PPFIA3: variants seen among roughly 807,000 people sequenced by gnomAD.
PPFIA3 encodes the protein PPFI scaffold protein A3.
Under a neutral mutation model 145.8 loss-of-function variants are expected in PPFIA3, and 26 were observed. That is an observed-to-expected ratio of 0.18 (90% CI 0.13 to 0.25). The LOEUF is 0.25. Among genes scored for constraint, PPFIA3 ranks in the 10% least tolerant of loss-of-function variants. The probability of loss-of-function intolerance (pLI) is 1.00; values close to 1 mark genes in which losing one functional copy is unlikely to be tolerated. For synonymous variants in PPFIA3, 645 were observed against 661.4 expected (o/e 0.98, Z 0.38); for missense variants, 1,008 against 1,587.8 (o/e 0.63, Z 6.21).
rs575291900 is a variant in PPFIA3 at position 49,150,390 on chromosome 19, A to G, written c.*168A>G. On this transcript the variant is annotated 3_prime_UTR_variant, in exon 30 of 30. Coordinates refer to ENST00000334186, the MANE Select transcript of PPFIA3 (RefSeq NM_003660.4). Reference sequence around the variant, plus strand: ...GGGAGTGCGCGCGCCCGCCTCGCACAGGGCCGGGGCCTGGACCAAACCACA... The same window carrying G: ...GGGAGTGCGCGCGCCCGCCTCGCACGGGGCCGGGGCCTGGACCAAACCACA... The G allele has an allele frequency of 1.1e-5, 5 of 453,636 alleles. No individual in the cohort carries two copies. Among genetic ancestry groups the G allele is most frequent in the Non-Finnish European group, 1.6e-5 (4 of 251,688 alleles). 28.1% of individuals were successfully genotyped at this position (453,636 alleles called of 1,614,324 possible).
intron 16 of PPFIA3, among the ~76,000 whole-genome samples, chr19:49,139,438 G>T (rs901531439): frequency 6.7e-6 from 1 of 148,864 alleles, no homozygotes; most frequent in African/African-American, 2.5e-5. Flanking sequence ...GCAGTGAGCC[G>T]AGATTGTGCC....
chr19:49,141,401 G>C lies in PPFIA3; in HGVS notation c.2369-19G>C. 1 of 1,606,044 alleles carries C rather than the reference G, an allele frequency of 6.2e-7. No individual in the cohort carries two copies. Among genetic ancestry groups the C allele is most frequent in the Non-Finnish European group, 8.5e-7 (1 of 1,173,914 alleles). ...TCCCCCTTGAGATTTTCCAAATTTC[G>C]ACCCCTCCCTGCCTCCAGCTGGAAC... is the stretch of plus-strand genomic sequence containing the variant. On this transcript the variant is annotated intron_variant, in intron 18 of 29. Coordinates refer to ENST00000334186, the MANE Select transcript of PPFIA3 (RefSeq NM_003660.4).
chr19:49,142,783 C>T (rs1568440541), intron 20 of PPFIA3, 21 bp from the exon 21 acceptor site: 4 of 1,597,860 alleles, frequency 2.5e-6, no homozygotes, highest in Non-Finnish European at 3.4e-6. Context: ...TCCCCTCTGT[C>T]CCTCTGTCCC....
chr19:49,122,319 G>A (rs1260089014), intron 1 of PPFIA3, among the ~76,000 whole-genome samples: 4 of 152,112 alleles, frequency 2.6e-5, no homozygotes, highest in Admixed American at 2.0e-4. Flanking sequence ...CCGACCTCAG[G>A]TGATCACCTG....
rs1215301618 is a variant in PPFIA3 at position 49,142,947 on chromosome 19, C to G, written c.2688C>G (p.Leu896=). Residue 896 remains leucine (L), a synonymous_variant, in exon 21 of 30, where the codon CTC becomes CTG. Transcript: ENST00000334186. ...SNPLHRLKLR[L]AIQEMVSLTS... ...CGCTGCACCGACTCAAGCTACGCCT[C>G]GCCATCCAGGAGATGGTCTCGCTCA... 1.9e-6 allele frequency: 3 copies of G among 1,613,252 alleles called. No individual in the cohort carries two copies. Among genetic ancestry groups the G allele is most frequent in the African/African-American group, 2.7e-5 (2 of 74,930 alleles).
chr19:49,123,153 C>T (rs997292772), intron 1 of PPFIA3, among the ~76,000 whole-genome samples: 4 of 152,068 alleles, frequency 2.6e-5, no homozygotes, highest in Admixed American at 2.6e-4. Context: ...CTCAGCCTCC[C>T]AAATAGCTGG....
intron 1 of PPFIA3, among the ~76,000 whole-genome samples, chr19:49,127,605 AT>A (rs138569072): frequency 0.018 from 2,736 of 149,404 alleles, 47 homozygotes; most frequent in Non-Finnish European, 0.027. Flanking sequence ...TTAAAAAAAA[AT>A]AATAATAATA....
At chr19:49,124,066 TC>T in intron 1 of PPFIA3, among the ~76,000 whole-genome samples, 1 of 143,398 alleles carries the variant, frequency 7.0e-6, no homozygotes, top group African/African-American at 2.5e-5. Flanking sequence ...TCCCTCCCCC[TC>T]CCCGCCCTAT....
intron 11 of PPFIA3, 38 bp downstream of exon 11, chr19:49,134,203 C>T (rs767875425): frequency 2.6e-6 from 4 of 1,560,840 alleles, no homozygotes; most frequent in South Asian, 1.2e-5. Flanking sequence ...CGCGGAATTC[C>T]GGGACTACCT....
intron 1 of PPFIA3, among the ~76,000 whole-genome samples, chr19:49,127,603 A>G (rs183772171): frequency 7.3e-5 from 11 of 150,738 alleles, no homozygotes; most frequent in African/African-American, 2.5e-4. Context: ...TGTTAAAAAA[A>G]AATAATAATA....
In PPFIA3 at chr19:49,136,805, GA is replaced by G; in HGVS notation, c.1748del (p.Glu583GlyfsTer37). ...GGACGGCTCCGATGAGGAGGAGGCA[GA>G]GGGGATGTTTGGGGCCGAGCTGCTG... ...ELDGSDEEEAEGMFGAELLSP... is the reference protein window; with the variant it reads ...ELDGSDEEEAXGMFGAELLSP... On this transcript the variant is annotated frameshift_variant, in exon 15 of 30. Transcript: ENST00000334186. LOFTEE classifies it high-confidence loss of function. The G allele has an allele frequency of 6.3e-7, 1 of 1,594,196 alleles. No homozygotes were observed. Among genetic ancestry groups the G allele is most frequent in the Middle Eastern group, 1.8e-4 (1 of 5,608 alleles).
intron 24 of PPFIA3, 54 bp downstream of exon 24, chr19:49,148,312 A>T: frequency 6.4e-7 from 1 of 1,559,768 alleles, no homozygotes; most frequent in Non-Finnish European, 8.7e-7. Context: ...CACCCCAGAG[A>T]GTCTTTGGCC....
chr19:49,129,560 C>A (rs752472630), intron 5 of PPFIA3, 106 bp downstream of exon 5: 13 of 1,230,142 alleles, frequency 1.1e-5, no homozygotes, highest in Non-Finnish European at 1.4e-5. Context: ...TCTATTGGGG[C>A]AGGACTAGGG....
At position 49,133,396 on chromosome 19, in the gene PPFIA3, C is replaced by A. The variant is rs1294839165; in HGVS notation, c.1161+25C>A. 1 of 1,574,938 alleles carries A rather than the reference C, an allele frequency of 6.3e-7. No individual in the cohort carries two copies. Among genetic ancestry groups the A allele is most frequent in the Non-Finnish European group, 8.6e-7 (1 of 1,161,618 alleles). On this transcript the variant is annotated intron_variant, in intron 9 of 29. Transcript: ENST00000334186. The surrounding 1 kb of genome is among the most constrained non-coding windows in gnomAD (Gnocchi z 7.2). ...GGTGCGGGGAGGACTCGGGTCGGGG[C>A]CTTGCGTGGGGAAGGGGTGGGGCCT...
In PPFIA3 at chr19:49,141,402, A is replaced by G. The variant is rs1600345315; in HGVS notation, c.2369-18A>G. ...CCCCCTTGAGATTTTCCAAATTTCG[A>G]CCCCTCCCTGCCTCCAGCTGGAACA... On this transcript the variant is annotated intron_variant, in intron 18 of 29. Transcript: ENST00000334186. 5.0e-6 allele frequency: 8 copies of G among 1,605,612 alleles called. No individual in the cohort carries two copies. The highest frequency in any genetic ancestry group is 6.8e-6 in the Non-Finnish European group (8 of 1,174,456).
chr19:49,125,652 T>TG, intron 1 of PPFIA3, among the ~76,000 whole-genome samples: 1 of 152,110 alleles, frequency 6.6e-6, no homozygotes, highest in African/African-American at 2.4e-5. Context: ...CCCAGGGGCC[T>TG]GGGGGAGGAG....
chr19:49,129,286 T>C, intron 4 of PPFIA3, 94 bp from the exon 5 acceptor site: 9 of 1,329,806 alleles, frequency 6.8e-6, no homozygotes, highest in Non-Finnish European at 9.2e-6. Flanking sequence ...AACGCTGCCC[T>C]ATCGGATCCG....
chr19:49,138,341 C>T lies in PPFIA3; in HGVS notation c.1990C>T (p.Leu664Phe). The T allele has an allele frequency of 6.2e-7, 1 of 1,611,118 alleles. No homozygotes were observed. Among genetic ancestry groups the T allele is most frequent in the Non-Finnish European group, 8.5e-7 (1 of 1,178,782 alleles). ...GCCCCCCTCCCTCACCACCTCTACC[C>T]TTGCCAGCCCCTCCCCTCCCAGCTC... Reference protein sequence around the residue: ...SLPPSLTTSTLASPSPPSSGH... With the variant: ...SLPPSLTTSTFASPSPPSSGH... Residue 664 changes from leucine to phenylalanine, a missense_variant, in exon 16 of 30, where the codon CTT becomes TTT. Coordinates refer to ENST00000334186, the MANE Select transcript of PPFIA3 (RefSeq NM_003660.4).
In PPFIA3 at chr19:49,129,511, C is replaced by T. The variant is rs2041043767; in HGVS notation, c.582+57C>T. On this transcript the variant is annotated intron_variant, in intron 5 of 29. Transcript: ENST00000334186. ...TCCAAGGGGAGGGGCTAAGGGGCTG[C>T]CCACGGGGCGGAGCCGGTTGGGTGG... The T allele has an allele frequency of 4.6e-6, 7 of 1,534,612 alleles. No individual in the cohort carries two copies. The Admixed American group carries it at 1.4e-4, about 30-fold the overall frequency.
Sources: allele counts gnomAD v4.1 joint callset (sites outside exome capture counted in the v4.1 genomes callset), GRCh38; gene constraint gnomAD v4.1.1; non-coding constraint Gnocchi (gnomAD v3.1); transcripts MANE v1.5; gene names NCBI Gene and HGNC (gene_info 2026-07-23, HGNC 2026-07-21).